The following SGCD variants were observed in gnomAD, a reference collection of about 807,000 sequenced individuals.
SGCD encodes the protein sarcoglycan delta.
In SGCD, 18 loss-of-function variants were observed where a neutral mutation model predicts 36.6. The ratio of observed to expected loss-of-function variants is 0.49; its 90% CI spans 0.34 to 0.73. The LOEUF is 0.73. Ranked by LOEUF, SGCD falls within the 30% of genes least tolerant of loss-of-function variation. The pLI, the probability that SGCD is intolerant of heterozygous loss-of-function variation, is 0.01. For missense variants in SGCD, 387 were observed against 346.7 expected (o/e 1.12, Z -0.92); for synonymous variants, 133 against 130.6 (o/e 1.02, Z -0.12).
At chr5:155,995,149 G>A (rs534645738) in intron 1 of SGCD, among the ~76,000 whole-genome samples, 62 of 152,176 alleles carry the variant, frequency 4.1e-4, no homozygotes, top group African/African-American at 1.5e-3. Context: ...AAATCACCTG[G>A]CAGCACTCAG....
intron 1 of SGCD, among the ~76,000 whole-genome samples, chr5:156,075,397 A>G (rs927314968): frequency 6.6e-6 from 1 of 152,160 alleles, no homozygotes; most frequent in African/African-American, 2.4e-5. Flanking sequence ...TAAAAAAATC[A>G]TACTACAAGG....
chr5:156,184,351 G>A (rs1171989185), intron 3 of SGCD, among the ~76,000 whole-genome samples: 1 of 150,530 alleles, frequency 6.6e-6, no homozygotes, highest in Non-Finnish European at 1.5e-5. Context: ...GGGGATATGA[G>A]GAAGGCTGAC....
At chr5:156,593,636 C>A (rs1371456770) in intron 5 of SGCD, among the ~76,000 whole-genome samples, 2 of 152,106 alleles carry the variant, frequency 1.3e-5, no homozygotes, top group Admixed American at 6.6e-5. Flanking sequence ...CCAAAATAAG[C>A]TAATATAAGG....
intron 8 of SGCD, chr5:156,757,927 T>C: frequency 3.1e-6 from 4 of 1,303,796 alleles, no homozygotes; most frequent in Non-Finnish European, 3.9e-6. Context: ...TAATGGCATG[T>C]ATTCCAAGTA....
At chr5:155,758,385 T>C in the SGCD span, among the ~76,000 whole-genome samples, 1 of 152,204 alleles carries the variant, frequency 6.6e-6, no homozygotes, top group Non-Finnish European at 1.5e-5. Context: ...ACAGTTTCTG[T>C]TTCCAAGTTA....
At chr5:155,841,233 C>A in the SGCD span, among the ~76,000 whole-genome samples, 1 of 152,060 alleles carries the variant, frequency 6.6e-6, no homozygotes, top group African/African-American at 2.4e-5. Flanking sequence ...AGGGAGCCTT[C>A]AGAATGAAGA....
intron 3 of SGCD, among the ~76,000 whole-genome samples, chr5:156,137,822 TG>T (rs1561535255): frequency 6.6e-6 from 1 of 152,184 alleles, no homozygotes; most frequent in Admixed American, 6.5e-5. Flanking sequence ...CTAACCCTCA[TG>T]CAAGATGACT....
intron 3 of SGCD, among the ~76,000 whole-genome samples, chr5:156,134,913 A>G (rs185031983): frequency 3.4e-4 from 52 of 152,296 alleles, no homozygotes; most frequent in South Asian, 2.1e-3. Flanking sequence ...TGGAAGTCAC[A>G]TATTCCCTTT....
intron 7 of SGCD, among the ~76,000 whole-genome samples, chr5:156,750,151 T>C (rs1757098851): frequency 6.6e-6 from 1 of 152,034 alleles, no homozygotes; most frequent in South Asian, 2.1e-4. Flanking sequence ...TTTGATAAAA[T>C]TCACATTAAT....
At chr5:156,240,799 A>G (rs560817884) in intron 3 of SGCD, among the ~76,000 whole-genome samples, 42 of 152,188 alleles carry the variant, frequency 2.8e-4, no homozygotes, top group Non-Finnish European at 5.6e-4. Context: ...ACAAAGTATC[A>G]GTCAGCAACA....
At chr5:155,801,363 T>G in the SGCD span, among the ~76,000 whole-genome samples, 1 of 152,216 alleles carries the variant, frequency 6.6e-6, no homozygotes, top group South Asian at 2.1e-4. Flanking sequence ...TTTTACTCCC[T>G]CTTGGCTGTT....
At chr5:155,748,578 A>T in the SGCD span, among the ~76,000 whole-genome samples, 3 of 152,152 alleles carry the variant, frequency 2.0e-5, no homozygotes, top group African/African-American at 7.2e-5. Context: ...TTTGATTTAC[A>T]TTACAACCTC....
chr5:156,093,849 G>A (rs998015855), intron 1 of SGCD, among the ~76,000 whole-genome samples: 2 of 152,164 alleles, frequency 1.3e-5, no homozygotes, highest in African/African-American at 4.8e-5. Context: ...CATTTTCTGA[G>A]GATCCTCTTT....
At chr5:156,296,712 T>C (rs1055662977) in intron 3 of SGCD, among the ~76,000 whole-genome samples, 2 of 152,152 alleles carry the variant, frequency 1.3e-5, no homozygotes, top group African/African-American at 4.8e-5. Context: ...GCATAACATA[T>C]GGTTTATCCT....
intron 3 of SGCD, among the ~76,000 whole-genome samples, chr5:156,237,668 C>G (rs1403002472): frequency 6.6e-6 from 1 of 151,962 alleles, no homozygotes; most frequent in African/African-American, 2.4e-5. Context: ...TCAGAAGGGA[C>G]AGAGGATCCT....
chr5:156,222,957 T>A (rs1423570396), intron 3 of SGCD, among the ~76,000 whole-genome samples: 1 of 152,130 alleles, frequency 6.6e-6, no homozygotes, highest in Non-Finnish European at 1.5e-5. Flanking sequence ...CCTTGGTGAT[T>A]CTTATGCACC....
At chr5:156,017,260 ATCT>A (rs999658065) in intron 1 of SGCD, among the ~76,000 whole-genome samples, 40 of 152,250 alleles carry the variant, frequency 2.6e-4, no homozygotes, top group African/African-American at 6.5e-4. Flanking sequence ...CGCTGCAAAT[ATCT>A]TCTTCTTATT....
rs1323852057 is a variant in SGCD at position 156,761,270 on chromosome 5, C to A, written c.*1880C>A. On this transcript the variant is annotated 3_prime_UTR_variant, in exon 9 of 9. Coordinates refer to ENST00000337851, the MANE Select transcript of SGCD (RefSeq NM_000337.6). ...GATGGTGGGGGACAGCGGCGTGGGT[C>A]CTAGCCTGGCCAGTGATGCTGCTGG... The A allele has an allele frequency of 6.6e-6, 1 of 152,164 alleles. No homozygotes were observed. The highest frequency in any genetic ancestry group is 2.4e-5 in the African/African-American group (1 of 41,406). The allele number at this position is 152,164 out of a possible 1,614,324, so 9.4% of individuals were successfully genotyped here.
At chr5:156,368,916 A>G (rs997750134) in intron 3 of SGCD, among the ~76,000 whole-genome samples, 1 of 152,258 alleles carries the variant, frequency 6.6e-6, no homozygotes, top group African/African-American at 2.4e-5. Context: ...ATAGAAAAAA[A>G]GTGCACAATA....
Sources: allele counts gnomAD v4.1 joint callset (sites outside exome capture counted in the v4.1 genomes callset), GRCh38; gene constraint gnomAD v4.1.1; transcripts MANE v1.5; gene names NCBI Gene and HGNC (gene_info 2026-07-23, HGNC 2026-07-21).